MASP1: variants seen among roughly 807,000 people sequenced by gnomAD.
MASP1 encodes mannan-binding lectin serine protease 1.
Under a neutral mutation model 77.1 loss-of-function variants are expected in MASP1, and 59 were observed. That is an observed-to-expected ratio of 0.77 (90% CI 0.62 to 0.95). MASP1 has a LOEUF of 0.95. Among genes scored for constraint, MASP1 ranks in the 40% least tolerant of loss-of-function variants. The pLI is 0.00. For synonymous variants in MASP1, 362 were observed against 354.5 expected (o/e 1.02, Z -0.24); for missense variants, 885 against 912.9 (o/e 0.97, Z 0.39).
chr3:187,246,026 C>T (rs1714049976), intron 8 of MASP1, among the ~76,000 whole-genome samples: 1 of 152,212 alleles, frequency 6.6e-6, no homozygotes, highest in South Asian at 2.1e-4. Flanking sequence ...TTGGTGCACC[C>T]ACCCTCCGAA....
intron 8 of MASP1, among the ~76,000 whole-genome samples, chr3:187,249,470 G>A (rs188027169): frequency 1.4e-4 from 22 of 152,218 alleles, no homozygotes; most frequent in Non-Finnish European, 5.9e-5. Context: ...GCCATAATAA[G>A]TTTCTAAAAC....
chr3:187,269,064 C>CAAAA (rs35550567), intron 2 of MASP1, among the ~76,000 whole-genome samples: 6 of 115,434 alleles, frequency 5.2e-5, no homozygotes, highest in African/African-American at 2.1e-4. Flanking sequence ...GACACTGTCT[C>CAAAA]AAAAAAAAAA....
chr3:187,234,122 T>G lies in MASP1; in HGVS notation c.*1562A>C. ...AGGGTTTATTTCCACTTGAGACCCC[T>G]GATGGGAGCAACAATGCAGAGGCCC... On this transcript the variant is annotated 3_prime_UTR_variant, in exon 11 of 11. Coordinates refer to ENST00000296280, the MANE Select transcript of MASP1 (RefSeq NM_139125.4). 7.8e-7 allele frequency: 1 copy of G among 1,285,568 alleles called. No individual in the cohort carries two copies. Among genetic ancestry groups the G allele is most frequent in the East Asian group, 5.6e-5 (1 of 18,012 alleles). 79.6% of individuals were successfully genotyped at this position (1,285,568 alleles called of 1,614,324 possible). A position where few individuals can be genotyped will look rare whatever the true frequency, so the allele number is the denominator to read the frequency against.
At chr3:187,247,127 T>C (rs901130261) in intron 8 of MASP1, 2 of 1,447,306 alleles carry the variant, frequency 1.4e-6, no homozygotes, top group Non-Finnish European at 1.8e-6. Context: ...AGTGTTTGAA[T>C]GATGGGCAAA....
intron 2 of MASP1, among the ~76,000 whole-genome samples, chr3:187,265,652 T>C (rs555171862): frequency 6.6e-6 from 1 of 152,234 alleles, no homozygotes; most frequent in South Asian, 2.1e-4. Flanking sequence ...TGCCTCCTTC[T>C]ATAGGAAACA....
Position 187,253,508 on chromosome 3 carries a change from A to G in MASP1, c.745-193T>C, listed in dbSNP as rs3105782. ...TTTCATCTTCATTCTCTCTTTTATA[A>G]TTTACAATGGCTCTTGACGTGGACA... On this transcript the variant is annotated intron_variant, in intron 5 of 10. Coordinates refer to ENST00000296280, the MANE Select transcript of MASP1 (RefSeq NM_139125.4). Among the ~76,000 whole-genome samples, 53,912 of 151,850 alleles carry G rather than the reference A, an allele frequency of 0.36. 11,448 individuals are homozygous for G. Among genetic ancestry groups the G allele is most frequent in the African/African-American group, 0.6 (24,765 of 41,414 alleles).
chr3:187,241,549 T>C lies in MASP1; in HGVS notation c.1235A>G (p.Tyr412Cys). Residue 412 changes from tyrosine (Y) to cysteine (C), a missense_variant, in exon 10 of 11, where the codon TAT (tyrosine) becomes TGT (cysteine). Physicochemically the swap from Tyr to Cys is radical, Grantham distance 194. Coordinates refer to ENST00000296280, the MANE Select transcript of MASP1 (RefSeq NM_139125.4). ...CCAGACTCCTTGGGCAGAACAGGTA[T>C]ATATACCTGGATTAGTGAAAGAGGT... Reference protein sequence around the residue: ...YKMLNNNTGIYTCSAQGVWMN... With the variant: ...YKMLNNNTGICTCSAQGVWMN... The C allele has an allele frequency of 1.2e-6, 2 of 1,611,646 alleles. No homozygotes were observed. The highest frequency in any genetic ancestry group is 1.7e-6 in the Non-Finnish European group (2 of 1,177,848).
intron 3 of MASP1, among the ~76,000 whole-genome samples, chr3:187,261,139 C>T (rs77686468): frequency 6.6e-6 from 1 of 152,200 alleles, no homozygotes; most frequent in Non-Finnish European, 1.5e-5. Context: ...GGACCACTAT[C>T]CTCTAACAGT....
At chr3:187,245,464 A>T (rs924493468) in intron 8 of MASP1, among the ~76,000 whole-genome samples, 4 of 152,166 alleles carry the variant, frequency 2.6e-5, no homozygotes, top group African/African-American at 9.7e-5. Context: ...ACATCACTTC[A>T]GAGAAGTAAC....
exon 16 of MASP1, chr3:187,217,444 G>GT (rs1291392809): frequency 1.3e-5 from 2 of 152,178 alleles, no homozygotes; most frequent in Non-Finnish European, 2.9e-5. Flanking sequence ...AGAGAGGTGG[G>GT]TTTTGGTTGC....
chr3:187,223,284 G>C, intron 13 of MASP1: 1 of 1,042,076 alleles, frequency 9.6e-7, no homozygotes, highest in Non-Finnish European at 1.5e-6. Context: ...CCTCTTCTGT[G>C]GAGGAAAGAC....
chr3:187,261,009 G>A, intron 3 of MASP1, 137 bp from the exon 4 acceptor site: 3 of 1,016,532 alleles, frequency 3.0e-6, no homozygotes, highest in Non-Finnish European at 4.6e-6. Context: ...CTCTCATACA[G>A]CCCAGAGGTA....
chr3:187,264,150 T>C (rs1715829030), intron 2 of MASP1, among the ~76,000 whole-genome samples: 1 of 152,242 alleles, frequency 6.6e-6, no homozygotes, highest in Non-Finnish European at 1.5e-5. Flanking sequence ...TTGAAACTAA[T>C]GGTTTATTTA....
At chr3:187,232,432 C>A (rs927252883), downstream of MASP1, among the ~76,000 whole-genome samples, 1 of 152,172 alleles carries the variant, frequency 6.6e-6, no homozygotes, top group African/African-American at 2.4e-5. Context: ...ACTCACCATT[C>A]TTTACTGCCT....
At chr3:187,252,705 G>A (rs1714718114) in intron 6 of MASP1, among the ~76,000 whole-genome samples, 1 of 152,126 alleles carries the variant, frequency 6.6e-6, no homozygotes, top group African/African-American at 2.4e-5. Flanking sequence ...CTGACTTGGG[G>A]GATGGGGGCA....
intron 5 of MASP1, among the ~76,000 whole-genome samples, chr3:187,255,085 A>G (rs1054950293): frequency 3.3e-5 from 5 of 152,168 alleles, no homozygotes; most frequent in Non-Finnish European, 7.4e-5. Context: ...GGGATTTTGC[A>G]GATGTATTAA....
At position 187,235,183 on chromosome 3, in the gene MASP1, T is replaced by G. The variant is rs911958491; in HGVS notation, c.*501A>C. The G allele has an allele frequency of 1.0e-5, 13 of 1,287,902 alleles. No homozygotes were observed. Among genetic ancestry groups the G allele is most frequent in the Admixed American group, 9.2e-5 (4 of 43,554 alleles). 79.8% of individuals were successfully genotyped at this position (1,287,902 alleles called of 1,614,324 possible). A position where few individuals can be genotyped will look rare whatever the true frequency, so the allele number is the denominator to read the frequency against. The stretch of plus-strand genomic sequence containing the variant: ...GCCATCTCCCAAAACCTGAATGCTC[T>G]TCTCCTAGAGGAAGGATTAGGCCAA... On this transcript the variant is annotated 3_prime_UTR_variant, in exon 11 of 11. Coordinates refer to ENST00000296280, the MANE Select transcript of MASP1 (RefSeq NM_139125.4).
intron 4 of MASP1, 132 bp downstream of exon 4, chr3:187,260,608 TG>T: frequency 8.2e-7 from 1 of 1,221,818 alleles, no homozygotes; most frequent in Non-Finnish European, 1.2e-6. Flanking sequence ...TTCATCCATG[TG>T]GTGTCTGAGG....
intron 1 of MASP1, among the ~76,000 whole-genome samples, chr3:187,287,108 C>G (rs1717924435): frequency 6.6e-6 from 1 of 152,218 alleles, no homozygotes; most frequent in South Asian, 2.1e-4. Context: ...CACCCACCAG[C>G]AGTCTTCTGC....
Sources: allele counts gnomAD v4.1 joint callset (sites outside exome capture counted in the v4.1 genomes callset), GRCh38; gene constraint gnomAD v4.1.1; transcripts MANE v1.5; gene names NCBI Gene and HGNC (gene_info 2026-07-23, HGNC 2026-07-21).